SHISA6: variants seen among roughly 807,000 people sequenced by gnomAD.
SHISA6 encodes the protein shisa family member 6.
In SHISA6, 22 loss-of-function variants were observed where a neutral mutation model predicts 47.9. The ratio of observed to expected loss-of-function variants is 0.46; its 90% CI spans 0.33 to 0.66. The LOEUF is 0.66. Among genes scored for constraint, SHISA6 ranks in the 30% least tolerant of loss-of-function variants. The probability of loss-of-function intolerance (pLI) is 0.02; values close to 1 mark genes in which losing one functional copy is unlikely to be tolerated. For missense variants in SHISA6, 680 were observed against 764.6 expected (o/e 0.89, Z 1.30); for synonymous variants, 388 against 337.8 (o/e 1.15, Z -1.63).
At position 11,354,245 on chromosome 17, in the gene SHISA6, G is replaced by A. The variant is rs143784707; in HGVS notation, c.800-25169G>A. On this transcript the variant is annotated intron_variant, in intron 2 of 5. Coordinates refer to ENST00000441885, the MANE Select transcript of SHISA6 (RefSeq NM_207386.4). Reference sequence around the variant, plus strand: ...TCATCTGGGGACCTTGTTCAAATGCGAATTCGGATTCAGTAGGCCCAGGGT... The same window carrying A: ...TCATCTGGGGACCTTGTTCAAATGCAAATTCGGATTCAGTAGGCCCAGGGT... Among the ~76,000 whole-genome samples, 148 of 152,280 alleles carry A rather than the reference G, an allele frequency of 9.7e-4. 1 individual carries two copies. The highest frequency in any genetic ancestry group is 3.3e-3 in the African/African-American group (138 of 41,558).
At chr17:11,478,080 T>C (rs1916101859) in intron 3 of SHISA6, among the ~76,000 whole-genome samples, 2 of 66,618 alleles carry the variant, frequency 3.0e-5, no homozygotes, top group African/African-American at 1.6e-4. Context: ...CTCCAGCACC[T>C]GTTGTTTCCT....
At chr17:11,253,209 T>A (rs6503365) in intron 1 of SHISA6, among the ~76,000 whole-genome samples, 4 of 152,092 alleles carry the variant, frequency 2.6e-5, no homozygotes, top group Admixed American at 2.0e-4. Flanking sequence ...CTCCCCTCTC[T>A]GTCCGACTTG....
At chr17:11,349,337 T>C (rs761923423) in intron 2 of SHISA6, among the ~76,000 whole-genome samples, 9 of 152,210 alleles carry the variant, frequency 5.9e-5, no homozygotes, top group Non-Finnish European at 8.8e-5. Context: ...TATCAGCTCG[T>C]GACTCAGACC....
At chr17:11,548,962 T>G (rs1300762141) in intron 3 of SHISA6, among the ~76,000 whole-genome samples, 1 of 152,244 alleles carries the variant, frequency 6.6e-6, no homozygotes, top group Non-Finnish European at 1.5e-5. Context: ...TATTTTTATC[T>G]GTGTGCATAA....
chr17:11,429,674 C>T (rs1730042747), intron 3 of SHISA6, among the ~76,000 whole-genome samples: 2 of 151,300 alleles, frequency 1.3e-5, no homozygotes, highest in Non-Finnish European at 2.9e-5. Context: ...GCCTATAATC[C>T]CACCTACTCA....
intron 2 of SHISA6, among the ~76,000 whole-genome samples, chr17:11,341,793 A>G (rs1911540132): frequency 3.3e-5 from 5 of 152,272 alleles, no homozygotes; most frequent in African/African-American, 7.2e-5. Flanking sequence ...CCTTGATGTT[A>G]TGATATCAGT....
At chr17:11,532,484 C>CGT (rs367554125) in intron 3 of SHISA6, among the ~76,000 whole-genome samples, 2,277 of 151,842 alleles carry the variant, frequency 0.015, 51 homozygotes, top group African/African-American at 0.052. Context: ...TGTGCGCGCG[C>CGT]GTGTGTGTGT....
At chr17:11,298,894 G>C (rs532292868) in intron 2 of SHISA6, among the ~76,000 whole-genome samples, 13 of 152,352 alleles carry the variant, frequency 8.5e-5, no homozygotes, top group East Asian at 7.7e-4. Context: ...GTGGCTCTCT[G>C]AGGGTGGACT....
chr17:11,427,688 G>A (rs943294543), intron 3 of SHISA6, among the ~76,000 whole-genome samples: 1 of 152,070 alleles, frequency 6.6e-6, no homozygotes, highest in Non-Finnish European at 1.5e-5. Context: ...CATTACTTAG[G>A]TGGATTAATG....
At chr17:11,498,746 C>CGGG (rs1305006022) in intron 3 of SHISA6, among the ~76,000 whole-genome samples, 1 of 152,092 alleles carries the variant, frequency 6.6e-6, no homozygotes, top group Non-Finnish European at 1.5e-5. Flanking sequence ...ACTGTGGAGC[C>CGGG]AGAAAGACCT....
chr17:11,501,512 G>A (rs1343100380), intron 3 of SHISA6, among the ~76,000 whole-genome samples: 1 of 152,146 alleles, frequency 6.6e-6, no homozygotes, highest in Admixed American at 6.5e-5. Context: ...GAATTAAGGA[G>A]GTTTTTTTAG....
chr17:11,241,881 G>T lies in SHISA6; in HGVS notation c.459G>T (p.Thr153=). 1 of 1,551,190 alleles carries T rather than the reference G, an allele frequency of 6.4e-7. No homozygotes were observed. Among genetic ancestry groups the T allele is most frequent in the South Asian group, 1.2e-5 (1 of 84,058 alleles). ...ACCAGAGCCCGGTGTGGGTACAGAC[G>T]CCCAGCACCAAGGTGGTGTCGCCGG... The part of the protein sequence containing the change: ...TNYQSPVWVQ[T]PSTKVVSPGP... The change falls in exon 1 of 6, where the codon ACG becomes ACT. Residue 153 remains threonine, a synonymous_variant. Transcript: ENST00000441885. This position sits in a 1 kb window ranked among gnomAD's most constrained non-coding sequence, Gnocchi z 5.5.
chr17:11,403,197 T>C (rs1263870246), intron 3 of SHISA6, among the ~76,000 whole-genome samples: 6 of 152,206 alleles, frequency 3.9e-5, no homozygotes, highest in Admixed American at 2.0e-4. Flanking sequence ...CCAATAAATG[T>C]ACATGATTAG....
chr17:11,303,457 A>G (rs1169700686), intron 2 of SHISA6, among the ~76,000 whole-genome samples: 2 of 151,346 alleles, frequency 1.3e-5, no homozygotes, highest in African/African-American at 2.4e-5. Context: ...GTATGGCTGT[A>G]TGTGTGGTTG....
chr17:11,279,637 C>T (rs1468598516), intron 2 of SHISA6, among the ~76,000 whole-genome samples: 1 of 152,100 alleles, frequency 6.6e-6, no homozygotes, highest in Non-Finnish European at 1.5e-5. Flanking sequence ...GGCTGACTCA[C>T]TTGTTCAAGG....
At chr17:11,320,659 CAA>C (rs112649016) in intron 2 of SHISA6, among the ~76,000 whole-genome samples, 11 of 79,524 alleles carry the variant, frequency 1.4e-4, no homozygotes, top group African/African-American at 3.8e-4. Flanking sequence ...ACTCCATCAC[CAA>C]AAAAAAAAAG....
intron 3 of SHISA6, among the ~76,000 whole-genome samples, chr17:11,508,852 ACCAAT>A (rs1363436544): frequency 7.2e-6 from 1 of 138,636 alleles, no homozygotes; most frequent in Non-Finnish European, 1.6e-5. Context: ...ACCAGTGGCA[ACCAAT>A]GAGCAAACAC....
At chr17:11,450,030 G>A (rs192012463) in intron 3 of SHISA6, among the ~76,000 whole-genome samples, 57 of 152,248 alleles carry the variant, frequency 3.7e-4, no homozygotes, top group African/African-American at 1.3e-3. Context: ...GACTACAGGC[G>A]TCCGCCACCA....
chr17:11,393,449 AC>A (rs1232755906), intron 3 of SHISA6, among the ~76,000 whole-genome samples: 1 of 152,002 alleles, frequency 6.6e-6, no homozygotes, highest in East Asian at 1.9e-4. Context: ...CCCTTCACCC[AC>A]ATCCTGTCCT....
Sources: gnomAD v4.1 joint callset for allele counts (sites outside exome capture counted in the v4.1 genomes callset) on GRCh38, gnomAD v4.1.1 for gene constraint, Gnocchi (gnomAD v3.1) non-coding constraint, MANE v1.5 for transcripts, NCBI Gene and HGNC (gene_info 2026-07-23, HGNC 2026-07-21) for gene names.